The following DOCK9 variants were observed in gnomAD, a reference collection of about 807,000 sequenced individuals.
DOCK9 encodes dedicator of cytokinesis 9.
Under a neutral mutation model 263.3 loss-of-function variants are expected in DOCK9, and 89 were observed. The ratio of observed to expected loss-of-function variants is 0.34; its 90% CI spans 0.28 to 0.40. DOCK9 has a LOEUF of 0.40. Ranked by LOEUF, DOCK9 falls within the 10% of genes least tolerant of loss-of-function variation. The pLI is 1.00. For synonymous variants in DOCK9, 976 were observed against 973.1 expected, an observed-to-expected ratio of 1.00 and a Z score of -0.06; for missense variants, 2,140 against 2,603.4, an observed-to-expected ratio of 0.82 and a Z score of 3.87.
intron 1 of DOCK9, among the ~76,000 whole-genome samples, chr13:99,005,192 A>G (rs1883111234): frequency 6.6e-6 from 1 of 152,222 alleles, no homozygotes; most frequent in African/African-American, 2.4e-5. Flanking sequence ...GATCTATTTT[A>G]TGAACAGGCT....
intron 9 of DOCK9, 114 bp from the exon 10 acceptor site, chr13:98,904,820 C>A: frequency 1.1e-6 from 1 of 895,882 alleles, no homozygotes; most frequent in South Asian, 1.7e-5. Context: ...GAAAGCTCTG[C>A]CTCGTGTTGG....
intron 33 of DOCK9, chr13:98,857,762 CA>C (rs1349302858): frequency 6.6e-6 from 1 of 152,206 alleles, no homozygotes; most frequent in African/African-American, 2.4e-5. Flanking sequence ...AAGGCTTGAA[CA>C]TGGTTTCATT....
At chr13:99,070,370 C>T (rs61327444) in intron 1 of DOCK9, among the ~76,000 whole-genome samples, 4,192 of 152,280 alleles carry the variant, frequency 0.028, 178 homozygotes, top group African/African-American at 0.096. Context: ...AATCATATTC[C>T]TATCTTTTCA....
intron 1 of DOCK9, among the ~76,000 whole-genome samples, chr13:99,020,273 A>C (rs536680750): frequency 3.9e-4 from 60 of 152,352 alleles, no homozygotes; most frequent in African/African-American, 1.3e-3. Context: ...GTGTAACCTA[A>C]AACAGCACCT....
At chr13:98,804,705 A>G (rs2090490255) in intron 49 of DOCK9, among the ~76,000 whole-genome samples, 1 of 152,214 alleles carries the variant, frequency 6.6e-6, no homozygotes, top group Admixed American at 6.5e-5. Flanking sequence ...GACTGTGTGC[A>G]AAAGCATCTA....
intron 46 of DOCK9, among the ~76,000 whole-genome samples, 172 bp downstream of exon 46, chr13:98,809,997 G>T (rs2091150253): frequency 6.6e-6 from 1 of 152,174 alleles, no homozygotes; most frequent in Admixed American, 6.5e-5. Flanking sequence ...GATACCCGAT[G>T]ACTATTTGGA....
At chr13:99,063,457 A>G (rs1176714830) in intron 1 of DOCK9, among the ~76,000 whole-genome samples, 1 of 152,178 alleles carries the variant, frequency 6.6e-6, no homozygotes, top group Non-Finnish European at 1.5e-5. Flanking sequence ...TGCGACTCCC[A>G]CAAGTCACCG....
At position 98,810,239 on chromosome 13, in the gene DOCK9, TCGGCTTTCCAGAGTCCATCTGCGCACTG is replaced by T; in HGVS notation, c.5155_5182del (p.Gln1719SerfsTer40). 3 of 1,612,670 alleles carry T rather than the reference TCGGCTTTCCAGAGTCCATCTGCGCACTG, an allele frequency of 1.9e-6. No homozygotes were observed. The highest frequency in any genetic ancestry group is 2.5e-6 in the Non-Finnish European group (3 of 1,179,496). ...GATGTCGGCGATGAGCTCGTAGCGC[TCGGCTTTCCAGAGTCCATCTGCGCACTG>T]CTCAAGGAGCTCCATCAGCACATCC... On this transcript the variant is annotated frameshift_variant, in exon 46 of 53. Coordinates refer to ENST00000682017, the MANE Select transcript of DOCK9 (RefSeq NM_001366683.2). LOFTEE classifies it high-confidence loss of function.
intron 2 of DOCK9, chr13:98,950,157 A>G (rs1309428906): frequency 2.3e-5 from 15 of 650,414 alleles, no homozygotes; most frequent in Middle Eastern, 3.0e-4. Flanking sequence ...GTGAAGTCAC[A>G]CCATTAATTC....
intron 39 of DOCK9, among the ~76,000 whole-genome samples, chr13:98,833,252 A>C (rs1261418008): frequency 6.6e-6 from 1 of 151,934 alleles, no homozygotes; most frequent in African/African-American, 2.4e-5. Context: ...ACTGCTTACA[A>C]GTTTTATCTA....
chr13:98,854,044 C>T (rs1388762224), intron 34 of DOCK9, among the ~76,000 whole-genome samples: 2 of 152,060 alleles, frequency 1.3e-5, no homozygotes, highest in Non-Finnish European at 2.9e-5. Flanking sequence ...GTGGGCACTG[C>T]TCAGGGAACA....
intron 1 of DOCK9, among the ~76,000 whole-genome samples, chr13:99,073,249 A>G (rs2041761148): frequency 6.6e-6 from 1 of 152,024 alleles, no homozygotes; most frequent in African/African-American, 2.4e-5. Flanking sequence ...TGCTTTGCCT[A>G]ATAGAAAATC....
chr13:99,022,864 A>T (rs1886285277), intron 1 of DOCK9, among the ~76,000 whole-genome samples: 1 of 152,140 alleles, frequency 6.6e-6, no homozygotes, highest in African/African-American at 2.4e-5. Context: ...GAGAAAAATC[A>T]CTTAAGCCCA....
chr13:98,931,587 T>C (rs9513512), intron 2 of DOCK9, among the ~76,000 whole-genome samples: 151,920 of 151,964 alleles, frequency 1, 75,938 homozygotes, highest in Middle Eastern at 1. Flanking sequence ...CGTGAGCCAC[T>C]GCGCCCAGCC....
chr13:99,078,100 G>A (rs2142440004), intron 1 of DOCK9, among the ~76,000 whole-genome samples: 1 of 152,258 alleles, frequency 6.6e-6, no homozygotes, highest in Non-Finnish European at 1.5e-5. Flanking sequence ...GATGAAAAGT[G>A]GCAATTTATG....
chr13:98,980,473 C>G (rs1261196675), upstream of DOCK9, among the ~76,000 whole-genome samples: 1 of 152,208 alleles, frequency 6.6e-6, no homozygotes, highest in African/African-American at 2.4e-5. Flanking sequence ...ATACTATGTT[C>G]AAACTGCTAA....
At chr13:98,809,013 G>T in intron 47 of DOCK9, 2 of 1,322,724 alleles carry the variant, frequency 1.5e-6, no homozygotes, top group South Asian at 1.6e-5. Flanking sequence ...AATTTTTTTG[G>T]AGTTTGTAAT....
At chr13:98,888,123 A>C (rs756055662) in intron 18 of DOCK9, 35 bp downstream of exon 18, 10 of 1,455,604 alleles carry the variant, frequency 6.9e-6, no homozygotes, top group Non-Finnish European at 9.4e-6. Flanking sequence ...AAAAATCAGA[A>C]TTCGTAGGTG....
intron 1 of DOCK9, among the ~76,000 whole-genome samples, chr13:99,035,457 T>C (rs1887773853): frequency 6.6e-6 from 1 of 152,162 alleles, no homozygotes; most frequent in Non-Finnish European, 1.5e-5. Flanking sequence ...AATGGGATGG[T>C]TAAAGTTAAA....
Sources: gnomAD v4.1 joint callset for allele counts (sites outside exome capture counted in the v4.1 genomes callset) on GRCh38, gnomAD v4.1.1 for gene constraint, MANE v1.5 for transcripts, NCBI Gene and HGNC (gene_info 2026-07-23, HGNC 2026-07-21) for gene names.